The following SHTN1 variants were observed in gnomAD, a reference collection of about 807,000 sequenced individuals.
SHTN1 encodes the protein shootin 1.
SHTN1 carries 42 observed loss-of-function variants against 83.1 expected under a neutral mutation model. That is an observed-to-expected ratio of 0.51 (90% CI 0.39 to 0.65). SHTN1 has a LOEUF of 0.65. SHTN1 is among the 30% of genes least tolerant of loss of function. The probability of loss-of-function intolerance (pLI) is 0.00; values close to 1 mark genes in which losing one functional copy is unlikely to be tolerated. For synonymous variants in SHTN1, 224 were observed against 247.7 expected (o/e 0.90, Z 0.90); for missense variants, 622 against 737.8 (o/e 0.84, Z 1.82).
Position 116,925,574 on chromosome 10 carries a change from C to T in SHTN1, c.1112+2218G>A, listed in dbSNP as rs535906694. Among the ~76,000 whole-genome samples the T allele has an allele frequency of 2.6e-5, 4 of 152,244 alleles. No individual in the cohort carries two copies. The South Asian group carries it at 6.2e-4, about 24-fold the overall frequency. ...CCTCCATAATCACATGAGCCAACTC[C>T]TTATAATAAATCTGTATTTATATCT... On this transcript the variant is annotated intron_variant, in intron 11 of 16. Coordinates refer to ENST00000355371, the MANE Select transcript of SHTN1 (RefSeq NM_001127211.3).
In SHTN1 at chr10:116,953,618, G is replaced by GTTTTTT. The variant is rs1413652753; in HGVS notation, c.436+423_436+424insAAAAAA. Among the ~76,000 whole-genome samples the GTTTTTT allele has an allele frequency of 1.5e-4, 12 of 81,994 alleles. 1 individual carries two copies. The highest frequency in any genetic ancestry group is 3.7e-4 in the East Asian group (1 of 2,714). 53.8% of individuals were successfully genotyped at this position (81,994 alleles called of 152,430 possible). ...GGTAGGACCCAGGCATCAGTTTTGT[G>GTTTTTT]TTTTGTTTTTTTTTTTTTTTTTTTT... is the stretch of plus-strand genomic sequence containing the variant. On this transcript the variant is annotated intron_variant, in intron 5 of 16. Coordinates refer to ENST00000355371, the MANE Select transcript of SHTN1 (RefSeq NM_001127211.3).
intron 7 of SHTN1, among the ~76,000 whole-genome samples, chr10:116,948,098 A>G (rs1849652149): frequency 6.6e-6 from 1 of 152,198 alleles, no homozygotes; most frequent in Non-Finnish European, 1.5e-5. Context: ...AACAGAAAGT[A>G]TATTAAGTTC....
chr10:116,972,520 T>C lies in SHTN1; in HGVS notation c.112-3808A>G, dbSNP rs570417517. ...CCAGAAAAGAATCTTGCAAACTTTCTCTCATTCTATCAACAGAGGGAAGTC... is the reference window on the plus strand; with the variant it reads ...CCAGAAAAGAATCTTGCAAACTTTCCCTCATTCTATCAACAGAGGGAAGTC... On this transcript the variant is annotated intron_variant, in intron 2 of 16. Coordinates refer to ENST00000355371, the MANE Select transcript of SHTN1 (RefSeq NM_001127211.3). Among the ~76,000 whole-genome samples the C allele has an allele frequency of 5.9e-5, 9 of 152,328 alleles. No homozygotes were observed. The South Asian group carries it at 1.9e-3, about 32-fold the overall frequency.
chr10:117,005,323 G>C (rs941967480), upstream of SHTN1: 4 of 1,343,858 alleles, frequency 3.0e-6, no homozygotes, highest in Non-Finnish European at 3.8e-6. Context: ...CCCGTTCAGG[G>C]GGTGGAGGAA....
chr10:116,914,645 G>A (rs926900436), intron 13 of SHTN1, among the ~76,000 whole-genome samples: 13 of 151,946 alleles, frequency 8.6e-5, no homozygotes, highest in Non-Finnish European at 1.3e-4. Context: ...AGGAAGAACC[G>A]GTCAGTTCAT....
At chr10:117,119,436 T>TGAAA (rs1853893360) in intron 1 of SHTN1, among the ~76,000 whole-genome samples, 1 of 152,200 alleles carries the variant, frequency 6.6e-6, no homozygotes, top group Non-Finnish European at 1.5e-5. Flanking sequence ...AACAGGCATA[T>TGAAA]GAAAAGGTGC....
At chr10:117,004,031 G>A (rs556747578) in intron 1 of SHTN1, among the ~76,000 whole-genome samples, 1 of 152,232 alleles carries the variant, frequency 6.6e-6, no homozygotes, top group South Asian at 2.1e-4. Flanking sequence ...GGGATTACAG[G>A]CATGCACCAC....
chr10:117,000,594 T>A (rs867465659), intron 1 of SHTN1, among the ~76,000 whole-genome samples: 3 of 152,272 alleles, frequency 2.0e-5, no homozygotes, highest in Middle Eastern at 3.4e-3. Flanking sequence ...AATAGCCATC[T>A]CTCTTCAAAA....
At chr10:117,053,353 T>C (rs1852776356) in intron 1 of SHTN1, among the ~76,000 whole-genome samples, 1 of 152,078 alleles carries the variant, frequency 6.6e-6, no homozygotes, top group Non-Finnish European at 1.5e-5. Context: ...AAAATATTTA[T>C]GGAGTATATA....
At chr10:117,047,118 G>A (rs1852674618) in intron 2 of SHTN1, among the ~76,000 whole-genome samples, 1 of 152,140 alleles carries the variant, frequency 6.6e-6, no homozygotes, top group Non-Finnish European at 1.5e-5. Flanking sequence ...AGGCTGGAGT[G>A]CAGTGGCACG....
chr10:116,940,317 TAAAAGG>T, intron 9 of SHTN1, 143 bp downstream of exon 9: 1 of 656,876 alleles, frequency 1.5e-6, no homozygotes, highest in African/African-American at 1.8e-5. Flanking sequence ...TATTTTTTTC[TAAAAGG>T]TGGTTGAAAG....
intron 1 of SHTN1, among the ~76,000 whole-genome samples, chr10:117,121,188 TAA>T (rs1156455283): frequency 6.6e-6 from 1 of 152,204 alleles, no homozygotes; most frequent in African/African-American, 2.4e-5. Flanking sequence ...AAAAATTGTT[TAA>T]AAAAGATATT....
intron 2 of SHTN1, among the ~76,000 whole-genome samples, chr10:116,970,322 G>A (rs1403696988): frequency 6.6e-6 from 1 of 152,118 alleles, no homozygotes; most frequent in Admixed American, 6.5e-5. Context: ...ATACAAAAAT[G>A]TTCCACATTT....
chr10:116,987,383 C>T (rs1169648852), intron 1 of SHTN1, among the ~76,000 whole-genome samples: 1 of 152,090 alleles, frequency 6.6e-6, no homozygotes. Flanking sequence ...TGGGAACAAA[C>T]AAGACGTTCT....
chr10:117,114,363 G>C (rs1853813408), intron 1 of SHTN1, among the ~76,000 whole-genome samples: 1 of 152,178 alleles, frequency 6.6e-6, no homozygotes, highest in African/African-American at 2.4e-5. Flanking sequence ...AGAGTATAGT[G>C]AGGAAATAGA....
intron 2 of SHTN1, among the ~76,000 whole-genome samples, chr10:116,978,476 T>C (rs1850889036): frequency 6.6e-6 from 1 of 152,050 alleles, no homozygotes; most frequent in South Asian, 2.1e-4. Flanking sequence ...AAAGTAAATT[T>C]TTTTTATATC....
At chr10:116,988,848 A>C (rs2133505008) in intron 1 of SHTN1, among the ~76,000 whole-genome samples, 1 of 152,288 alleles carries the variant, frequency 6.6e-6, no homozygotes, top group South Asian at 2.1e-4. Flanking sequence ...CCCAGAACTC[A>C]TGCTTTAGTG....
At chr10:116,999,004 C>G (rs1030764150) in intron 1 of SHTN1, among the ~76,000 whole-genome samples, 1 of 152,140 alleles carries the variant, frequency 6.6e-6, no homozygotes, top group African/African-American at 2.4e-5. Context: ...AAAGCATTTT[C>G]TTTTTAGAGA....
intron 2 of SHTN1, among the ~76,000 whole-genome samples, chr10:116,978,377 T>C (rs1302333461): frequency 6.6e-6 from 1 of 152,158 alleles, no homozygotes; most frequent in Non-Finnish European, 1.5e-5. Context: ...ATCTTCTTCT[T>C]TAATATCTAC....
Sources: gnomAD v4.1 joint callset for allele counts (sites outside exome capture counted in the v4.1 genomes callset) on GRCh38, gnomAD v4.1.1 for gene constraint, MANE v1.5 for transcripts, NCBI Gene and HGNC (gene_info 2026-07-23, HGNC 2026-07-21) for gene names.